Variants in SYT14 observed in about 807,000 individuals in gnomAD.
SYT14 encodes synaptotagmin 14.
Under a neutral mutation model 74.2 loss-of-function variants are expected in SYT14, and 32 were observed. The ratio of observed to expected loss-of-function variants is 0.43; its 90% confidence interval spans 0.33 to 0.58. The LOEUF (loss-of-function observed/expected upper bound fraction) is 0.58, where lower values mean the gene tolerates loss of function less well. SYT14 is among the 20% of genes least tolerant of loss of function. The probability of loss-of-function intolerance (pLI) is 0.05; values close to 1 mark genes in which losing one functional copy is unlikely to be tolerated. For synonymous variants in SYT14, 298 were observed against 337.7 expected (o/e 0.88, Z 1.29); for missense variants, 791 against 981.8 (o/e 0.81, Z 2.60).
At chr1:210,069,080 TCTC>T (rs1261294528) in intron 5 of SYT14, among the ~76,000 whole-genome samples, 2 of 151,876 alleles carry the variant, frequency 1.3e-5, no homozygotes, top group African/African-American at 4.8e-5. Flanking sequence ...CTAAAAGAAA[TCTC>T]TTCTTGTTTC....
intron 2 of SYT14, among the ~76,000 whole-genome samples, chr1:209,987,825 A>C (rs1572117218): frequency 6.6e-6 from 1 of 152,218 alleles, no homozygotes; most frequent in East Asian, 1.9e-4. Context: ...TTTCTGATGA[A>C]TCTCTTGTCA....
chr1:210,123,837 T>C (rs2082514371), intron 7 of SYT14, among the ~76,000 whole-genome samples: 1 of 151,650 alleles, frequency 6.6e-6, no homozygotes, highest in African/African-American at 2.4e-5. Flanking sequence ...ACAGAAAGGG[T>C]CCATAATGGA....
chr1:210,084,562 G>T (rs1350678027), intron 5 of SYT14, among the ~76,000 whole-genome samples: 1 of 152,192 alleles, frequency 6.6e-6, no homozygotes, highest in Admixed American at 6.5e-5. Context: ...AAGTAATATG[G>T]AATATTGAGG....
chr1:209,946,673 A>T (rs1201822520), intron 1 of SYT14, among the ~76,000 whole-genome samples: 1 of 152,240 alleles, frequency 6.6e-6, no homozygotes, highest in African/African-American at 2.4e-5. Context: ...AAGTGCTGAT[A>T]GAGAAGCTGT....
At position 210,016,982 on chromosome 1, in the gene SYT14, A is replaced by G; in HGVS notation, c.979A>G (p.Thr327Ala). Residue 327 changes from threonine (T) to alanine (A), a missense_variant, in exon 4 of 10, where the codon ACG becomes GCG. By Grantham distance (58) the Thr-to-Ala change is moderately conservative. Coordinates refer to ENST00000637265, the Ensembl canonical transcript of SYT14. ...GAAAATTGAAGAACAAATAAATTCA[A>G]CGAAATACTGTAAAGTGAACGAAGA... The G allele has an allele frequency of 5.7e-6, 7 of 1,231,876 alleles. No individual in the cohort carries two copies. In the South Asian group the frequency reaches 2.5e-4, roughly 43 times the overall value. 76.3% of individuals were successfully genotyped at this position (1,231,876 alleles called of 1,614,324 possible). A position where few individuals can be genotyped will look rare whatever the true frequency, so the allele number is the denominator to read the frequency against.
chr1:209,948,284 T>TA, intron 1 of SYT14, among the ~76,000 whole-genome samples: 2 of 152,334 alleles, frequency 1.3e-5, no homozygotes, highest in East Asian at 1.9e-4. Context: ...TGTATTTTTT[T>TA]AAAATCCCAG....
chr1:209,982,719 G>T (rs1487050338), intron 2 of SYT14, among the ~76,000 whole-genome samples: 2 of 152,220 alleles, frequency 1.3e-5, no homozygotes, highest in African/African-American at 4.8e-5. Flanking sequence ...ATCAAGGAAT[G>T]TAATTGCTGG....
In SYT14 at chr1:210,021,027, C is replaced by T; in HGVS notation, c.1097-12C>T. On this transcript the variant is annotated splice_polypyrimidine_tract_variant and intron_variant, in intron 4 of 9. Transcript: ENST00000637265. The stretch of plus-strand genomic sequence containing the variant: ...TTCAATTACCGTTTGTTCTTCATGT[C>T]ATTCCAAATAGATAATTCCTACATG... 6.2e-7 allele frequency: 1 copy of T among 1,611,610 alleles called. No individual in the cohort carries two copies. Among genetic ancestry groups the T allele is most frequent in the Non-Finnish European group, 8.5e-7 (1 of 1,177,934 alleles).
At chr1:209,983,573 C>G (rs998441698) in intron 2 of SYT14, among the ~76,000 whole-genome samples, 6 of 152,030 alleles carry the variant, frequency 3.9e-5, no homozygotes, top group African/African-American at 1.2e-4. Context: ...TAATTTCTAT[C>G]CCTTTATTGA....
At chr1:210,002,965 C>CT (rs1397027075) in intron 2 of SYT14, among the ~76,000 whole-genome samples, 1 of 152,056 alleles carries the variant, frequency 6.6e-6, no homozygotes, top group Non-Finnish European at 1.5e-5. Context: ...TCAGTATTCT[C>CT]TTGTGTGATT....
At position 210,109,104 on chromosome 1, in the gene SYT14, C is replaced by T. The variant is rs113854560; in HGVS notation, c.2034+8643C>T. Among the ~76,000 whole-genome samples the T allele has an allele frequency of 3.1e-3, 467 of 150,424 alleles. 4 individuals are homozygous for T. The highest frequency in any genetic ancestry group is 0.011 in the African/African-American group (441 of 41,058). ...AAGGTTGAATCCAGAATCAAATTTA[C>T]AAGAAAAAAACAACTCCATCAAAAA... is the stretch of plus-strand genomic sequence containing the variant. On this transcript the variant is annotated intron_variant, in intron 7 of 9. Coordinates refer to ENST00000637265, the Ensembl canonical transcript of SYT14.
At chr1:209,943,258 C>T (rs551338317) in intron 1 of SYT14, among the ~76,000 whole-genome samples, 34 of 152,070 alleles carry the variant, frequency 2.2e-4, no homozygotes, top group African/African-American at 8.2e-4. Context: ...CAGCAGTGTA[C>T]TTTGGTAGGC....
rs190673946 is a variant in SYT14, at chr1:209,971,674, C to T, written c.-486+18918C>T. 9.9e-4 allele frequency among the ~76,000 whole-genome samples: 151 copies of T among 152,104 alleles called. 1 individual carries two copies. The highest frequency in any genetic ancestry group is 3.4e-3 in the African/African-American group (141 of 41,518). ...GTTTTTGTTCTTAACTCAGTTTATG[C>T]GGTGAATCACATTTATTGATTTATG... On this transcript the variant is annotated intron_variant, in intron 2 of 9. Coordinates refer to ENST00000637265, the Ensembl canonical transcript of SYT14.
intron 7 of SYT14, among the ~76,000 whole-genome samples, 174 bp downstream of exon 6, chr1:210,100,635 T>G (rs2082047508): frequency 6.6e-6 from 1 of 152,194 alleles, no homozygotes; most frequent in African/African-American, 2.4e-5. Flanking sequence ...TTTTCTTACC[T>G]AAAAAAGTTG....
intron 7 of SYT14, among the ~76,000 whole-genome samples, chr1:210,148,348 A>G (rs1283085175): frequency 1.3e-5 from 2 of 152,128 alleles, no homozygotes; most frequent in African/African-American, 4.8e-5. Context: ...CTCTACTAAA[A>G]ATACAAAAAA....
chr1:210,125,630 G>A (rs1489394620), intron 7 of SYT14, among the ~76,000 whole-genome samples: 4 of 152,118 alleles, frequency 2.6e-5, no homozygotes, highest in Non-Finnish European at 5.9e-5. Context: ...TGCTACTCCA[G>A]CTCTTCTAAC....
Position 210,000,613 on chromosome 1 carries a change from C to CTTTTTTTTTTTTTTTTTTTTTTTTTTT in SYT14, c.-485-13001_-485-13000insTTTTTTTTTTTTTTTTTTTTTTTTTTT, listed in dbSNP as rs71146203. On this transcript the variant is annotated intron_variant, in intron 2 of 9. Transcript: ENST00000637265. The stretch of plus-strand genomic sequence containing the variant: ...TTTCATTAGGGCTGTTTTATGCCTT[C>CTTTTTTTTTTTTTTTTTTTTTTTTTTT]TTTTTTTTTTTTTTTTTTTGAGATA... Among the ~76,000 whole-genome samples, 11 of 105,422 alleles carry CTTTTTTTTTTTTTTTTTTTTTTTTTTT rather than the reference C, an allele frequency of 1.0e-4. 1 individual carries two copies. The East Asian group carries it at 1.2e-3, about 11-fold the overall frequency. 69.2% of individuals were successfully genotyped at this position (105,422 alleles called of 152,430 possible).
At chr1:210,029,180 CA>C (rs532852683) in intron 5 of SYT14, among the ~76,000 whole-genome samples, 2 of 152,138 alleles carry the variant, frequency 1.3e-5, no homozygotes, top group Non-Finnish European at 2.9e-5. Context: ...AATCTCTTAT[CA>C]GATATATGGT....
At chr1:210,157,156 G>A (rs953251383) in intron 8 of SYT14, among the ~76,000 whole-genome samples, 3 of 152,034 alleles carry the variant, frequency 2.0e-5, no homozygotes, top group Admixed American at 2.0e-4. Flanking sequence ...TATTATAGGA[G>A]GGGGTCCAGG....
Sources: allele counts gnomAD v4.1 joint callset (sites outside exome capture counted in the v4.1 genomes callset), GRCh38; gene constraint gnomAD v4.1.1; transcripts MANE v1.5; gene names NCBI Gene and HGNC (gene_info 2026-07-23, HGNC 2026-07-21).